Variants in RNF125 observed in about 807,000 individuals in gnomAD.
The protein encoded by RNF125 is E3 ubiquitin-protein ligase RNF125.
A neutral mutation model predicts 26.0 loss-of-function variants in RNF125; 21 were observed. The ratio of observed to expected loss-of-function variants is 0.81; its 90% CI spans 0.57 to 1.16. RNF125 has a LOEUF of 1.16. RNF125 is among the 50% of genes most tolerant of loss of function. The probability of loss-of-function intolerance (pLI) is 0.00; values close to 1 mark genes in which losing one functional copy is unlikely to be tolerated. For synonymous variants in RNF125, 95 were observed against 109.2 expected, an observed-to-expected ratio of 0.87 and a Z score of 0.81; for missense variants, 270 against 299.4, an observed-to-expected ratio of 0.90 and a Z score of 0.72.
chr18:32,030,138 G>C (rs1293450225), intron 1 of RNF125, among the ~76,000 whole-genome samples: 1 of 152,142 alleles, frequency 6.6e-6, no homozygotes, highest in Non-Finnish European at 1.5e-5. Flanking sequence ...TCCACCTCCT[G>C]GTTCAAGCGA....
chr18:32,085,376 AG>A, the RNF125 span, among the ~76,000 whole-genome samples: 2 of 9,190 alleles, frequency 2.2e-4, no homozygotes, highest in Non-Finnish European at 8.5e-4. Flanking sequence ...CCAGAAGCAG[AG>A]AGAGAGAGAG....
chr18:32,067,082 CT>C (rs1224210623), intron 5 of RNF125, among the ~76,000 whole-genome samples: 1 of 152,146 alleles, frequency 6.6e-6, no homozygotes. Flanking sequence ...GAAACCCTGT[CT>C]CTACTAAAAA....
downstream of RNF125, among the ~76,000 whole-genome samples, chr18:32,074,403 A>T (rs533414215): frequency 1.3e-5 from 2 of 152,342 alleles, no homozygotes; most frequent in South Asian, 4.1e-4. Context: ...GGTACAAGCC[A>T]GGCAGAGTTG....
chr18:32,030,453 C>T (rs189852692), intron 1 of RNF125, among the ~76,000 whole-genome samples: 74 of 152,294 alleles, frequency 4.9e-4, no homozygotes, highest in African/African-American at 1.8e-3. Flanking sequence ...AGCAGTAAAG[C>T]GTACATCAAA....
chr18:32,067,082 C>T (rs2039491676), intron 5 of RNF125, among the ~76,000 whole-genome samples: 1 of 152,146 alleles, frequency 6.6e-6, no homozygotes, highest in Non-Finnish European at 1.5e-5. Flanking sequence ...GAAACCCTGT[C>T]TCTACTAAAA....
At chr18:32,062,723 G>A (rs776416219) in intron 4 of RNF125, among the ~76,000 whole-genome samples, 1 of 152,100 alleles carries the variant, frequency 6.6e-6, no homozygotes. Context: ...GAGGATCAGC[G>A]ACATTGATTC....
intron 4 of RNF125, among the ~76,000 whole-genome samples, chr18:32,050,842 A>G (rs1269789653): frequency 8.3e-6 from 1 of 119,924 alleles, no homozygotes; most frequent in Non-Finnish European, 1.6e-5. Flanking sequence ...CTTGCCCTCC[A>G]GCTAGTCTCT....
Position 32,068,533 on chromosome 18 carries a change from A to C in RNF125, c.*149A>C, listed in dbSNP as rs2039505080. 1.9e-6 allele frequency: 1 copy of C among 515,584 alleles called. No individual in the cohort carries two copies. Among genetic ancestry groups the C allele is most frequent in the African/African-American group, 1.9e-5 (1 of 51,318 alleles). The allele number at this position is 515,584 out of a possible 1,614,324, so 31.9% of individuals were successfully genotyped here. ...CCATGTTTATTGTTATAGTGCATTT[A>C]AAAACTGCTTTAATTTTAATGGTTT... On this transcript the variant is annotated 3_prime_UTR_variant, in exon 6 of 6. Coordinates refer to ENST00000217740, the MANE Select transcript of RNF125 (RefSeq NM_017831.4).
the RNF125 span, among the ~76,000 whole-genome samples, chr18:32,078,500 G>T: frequency 6.6e-6 from 1 of 151,898 alleles, no homozygotes; most frequent in Non-Finnish European, 1.5e-5. Context: ...AGCTGGGCAC[G>T]GTGGCATGTG....
chr18:32,082,619 G>A, the RNF125 span, among the ~76,000 whole-genome samples: 1 of 152,156 alleles, frequency 6.6e-6, no homozygotes, highest in Admixed American at 6.5e-5. Context: ...GCTAAGGAAC[G>A]GAAACTCTAT....
chr18:32,049,638 A>G (rs2039305134), intron 4 of RNF125, among the ~76,000 whole-genome samples: 9 of 151,954 alleles, frequency 5.9e-5, no homozygotes, highest in Admixed American at 5.9e-4. Flanking sequence ...AAGTGGTAAA[A>G]TCTCACCACA....
chr18:32,031,472 A>G (rs930998697), intron 1 of RNF125: 2 of 132,348 alleles, frequency 1.5e-5, no homozygotes, highest in African/African-American at 6.0e-5. Context: ...ATTGGCATAC[A>G]ACTCAAATTG....
chr18:32,081,552 A>G, the RNF125 span, among the ~76,000 whole-genome samples: 2 of 152,238 alleles, frequency 1.3e-5, no homozygotes, highest in South Asian at 4.1e-4. Flanking sequence ...CATCTCTTAG[A>G]TATTTACTGA....
chr18:32,048,533 T>C (rs544460435), intron 4 of RNF125, among the ~76,000 whole-genome samples: 2 of 151,726 alleles, frequency 1.3e-5, no homozygotes, highest in East Asian at 3.9e-4. Flanking sequence ...ATTTTAAAAA[T>C]GATAAACTGA....
downstream of RNF125, among the ~76,000 whole-genome samples, chr18:32,075,116 C>T (rs940984380): frequency 6.6e-6 from 1 of 152,180 alleles, no homozygotes; most frequent in Non-Finnish European, 1.5e-5. Flanking sequence ...CTGAAATTAT[C>T]ATGGATTCAT....
intron 1 of RNF125, among the ~76,000 whole-genome samples, chr18:32,029,265 C>T (rs1192013850): frequency 2.6e-5 from 4 of 152,038 alleles, no homozygotes; most frequent in Non-Finnish European, 5.9e-5. Flanking sequence ...TCACTTCTGC[C>T]TTATCTTCTA....
At chr18:32,083,154 T>C in the RNF125 span, among the ~76,000 whole-genome samples, 94 of 152,348 alleles carry the variant, frequency 6.2e-4, no homozygotes, top group South Asian at 0.018. Flanking sequence ...GTTTTCATTG[T>C]AGTTGTATTT....
Position 32,067,851 on chromosome 18 carries a change from A to T in RNF125, c.613-447A>T, listed in dbSNP as rs946810917. ...GTGCTGACATAGAATTTTGAATTCC[A>T]CTTTGACACATAGGAGGCAAGGAGA... On this transcript the variant is annotated intron_variant, in intron 5 of 5. Coordinates refer to ENST00000217740, the MANE Select transcript of RNF125 (RefSeq NM_017831.4). Among the ~76,000 whole-genome samples, 7 of 152,206 alleles carry T rather than the reference A, an allele frequency of 4.6e-5. No homozygotes were observed. The East Asian group carries it at 7.7e-4, about 17-fold the overall frequency.
rs775086863 is a variant in RNF125 at position 32,064,396 on chromosome 18, CTTTTTTTTTTTT to C, written c.505-1494_505-1483del. On this transcript the variant is annotated intron_variant, in intron 4 of 5. Transcript: ENST00000217740. ...AATCTGGTGAAATCTTTTTCTTTTTCTTTTTTTTTTTTTTTTTTTTTTTGAGACAGAGCTGGT... is the reference window on the plus strand; with the variant it reads ...AATCTGGTGAAATCTTTTTCTTTTTCTTTTTTTTTTTGAGACAGAGCTGGT... Among the ~76,000 whole-genome samples, 11 of 86,850 alleles carry C rather than the reference CTTTTTTTTTTTT, an allele frequency of 1.3e-4. No homozygotes were observed. The East Asian group carries it at 2.6e-3, about 21-fold the overall frequency. 57.0% of individuals were successfully genotyped at this position (86,850 alleles called of 152,430 possible). A position where few individuals can be genotyped will look rare whatever the true frequency, so the allele number is the denominator to read the frequency against.
Sources: allele counts gnomAD v4.1 joint callset (sites outside exome capture counted in the v4.1 genomes callset), GRCh38; gene constraint gnomAD v4.1.1; transcripts MANE v1.5; gene names NCBI Gene and HGNC (gene_info 2026-07-23, HGNC 2026-07-21).